Variants in GALNT17 observed in about 807,000 individuals in gnomAD.
The protein encoded by GALNT17 is polypeptide N-acetylgalactosaminyltransferase 17.
In GALNT17, 29 loss-of-function variants were observed where a neutral mutation model predicts 63.7. The observed-to-expected ratio is 0.46, with a 90% CI of 0.34 to 0.62. The LOEUF (loss-of-function observed/expected upper bound fraction) is 0.62, where lower values mean the gene tolerates loss of function less well. GALNT17 is among the 20% of genes least tolerant of loss of function. GALNT17 has a pLI of 0.01. For missense variants in GALNT17, 603 were observed against 799.6 expected (o/e 0.75, Z 2.97); for synonymous variants, 305 against 318.3 (o/e 0.96, Z 0.45).
intron 1 of GALNT17, among the ~76,000 whole-genome samples, chr7:71,257,603 G>A (rs1044844264): frequency 3.9e-5 from 6 of 152,200 alleles, no homozygotes; most frequent in African/African-American, 1.4e-4. Context: ...TATGGTTTTA[G>A]TGTGACGCTG....
chr7:71,439,528 G>C (rs1184558173), intron 5 of GALNT17, among the ~76,000 whole-genome samples: 2 of 152,192 alleles, frequency 1.3e-5, no homozygotes, highest in Non-Finnish European at 2.9e-5. Context: ...AAGCAGAGAG[G>C]CCTGCCTCCA....
chr7:71,332,702 T>C (rs546727426), intron 1 of GALNT17, among the ~76,000 whole-genome samples: 4 of 152,242 alleles, frequency 2.6e-5, no homozygotes, highest in Admixed American at 1.3e-4. Flanking sequence ...TGTTTTGTTT[T>C]TGTTTTTGAG....
chr7:71,330,820 C>G (rs1482713430), intron 1 of GALNT17, among the ~76,000 whole-genome samples: 1 of 152,268 alleles, frequency 6.6e-6, no homozygotes, highest in African/African-American at 2.4e-5. Flanking sequence ...AAAAAAGTTT[C>G]GCCGGATGCA....
chr7:71,170,874 TTA>T (rs2116283477), intron 1 of GALNT17, among the ~76,000 whole-genome samples: 1 of 152,288 alleles, frequency 6.6e-6, no homozygotes, highest in African/African-American at 2.4e-5. Context: ...AAATGCCATT[TTA>T]CTTTATAGCT....
chr7:71,710,889 G>A lies in GALNT17; in HGVS notation c.1629G>A (p.Lys543=), dbSNP rs1791782440. ...TGCCCCAGCTCCTGGACTGCGACAA[G>A]GTCAAGAGCAGCCTGTACAAGCGCT... The part of the protein sequence containing the change: ...SRLPQLLDCD[K]VKSSLYKRWN... The change falls in exon 10 of 11, where the codon AAG becomes AAA. Residue 543 remains lysine (K), a synonymous_variant. Coordinates refer to ENST00000333538, the MANE Select transcript of GALNT17 (RefSeq NM_022479.3). The A allele has an allele frequency of 6.8e-6, 11 of 1,614,014 alleles. 1 individual carries two copies. Among genetic ancestry groups the A allele is most frequent in the African/African-American group, 4.0e-5 (3 of 75,060 alleles).
intron 1 of GALNT17, among the ~76,000 whole-genome samples, chr7:71,212,985 T>C (rs192892261): frequency 2.3e-3 from 350 of 152,252 alleles, no homozygotes; most frequent in Non-Finnish European, 4.1e-3. Flanking sequence ...ATTAAGACTT[T>C]GGGGGACTGT....
intron 1 of GALNT17, among the ~76,000 whole-genome samples, chr7:71,204,495 A>G (rs1789233691): frequency 6.6e-6 from 1 of 152,016 alleles, no homozygotes; most frequent in African/African-American, 2.4e-5. Flanking sequence ...GGTGGTATGG[A>G]CACTTTAACA....
At chr7:71,651,924 C>T (rs1790759678) in intron 6 of GALNT17, among the ~76,000 whole-genome samples, 3 of 152,034 alleles carry the variant, frequency 2.0e-5, no homozygotes, top group Admixed American at 1.3e-4. Flanking sequence ...TGGTCTTGAA[C>T]TCCTGGCCTC....
chr7:71,627,606 A>G (rs935775627), intron 6 of GALNT17, among the ~76,000 whole-genome samples: 2 of 152,178 alleles, frequency 1.3e-5, no homozygotes, highest in Admixed American at 1.3e-4. Flanking sequence ...TCATCTGTCA[A>G]AGAACCACAA....
At chr7:71,203,490 AT>A (rs112179672) in intron 1 of GALNT17, among the ~76,000 whole-genome samples, 107 of 152,322 alleles carry the variant, frequency 7.0e-4, no homozygotes, top group African/African-American at 2.5e-3. Flanking sequence ...AAATTAGGTC[AT>A]TTATTTCTTT....
chr7:71,426,578 T>C (rs938011164), intron 5 of GALNT17, among the ~76,000 whole-genome samples: 3 of 152,112 alleles, frequency 2.0e-5, no homozygotes, highest in African/African-American at 7.2e-5. Context: ...GGAGGCCTCA[T>C]AGAGCTTTTA....
At position 71,263,283 on chromosome 7, in the gene GALNT17, C is replaced by T. The variant is rs191788107; in HGVS notation, c.239-72267C>T. On this transcript the variant is annotated intron_variant, in intron 1 of 10. Transcript: ENST00000333538. ...CTGAGGCAGGAGAATCATTTGAACC[C>T]GGGAGGCGGAGGTTGCAGTGAGCTG... 2.8e-3 allele frequency among the ~76,000 whole-genome samples: 426 copies of T among 152,034 alleles called. 1 individual carries two copies. Among genetic ancestry groups the T allele is most frequent in the African/African-American group, 9.9e-3 (410 of 41,490 alleles).
intron 1 of GALNT17, among the ~76,000 whole-genome samples, chr7:71,294,915 T>G (rs1791050275): frequency 6.6e-6 from 1 of 152,162 alleles, no homozygotes; most frequent in Non-Finnish European, 1.5e-5. Flanking sequence ...TTTAATCCCC[T>G]CTCTCCTGAT....
chr7:71,446,194 A>T (rs1467812703), intron 5 of GALNT17, among the ~76,000 whole-genome samples: 1 of 152,212 alleles, frequency 6.6e-6, no homozygotes, highest in Non-Finnish European at 1.5e-5. Context: ...CCCAGTAGAG[A>T]AGAACAAGAC....
intron 5 of GALNT17, among the ~76,000 whole-genome samples, chr7:71,485,262 T>C (rs1458797066): frequency 2.0e-5 from 3 of 152,086 alleles, no homozygotes; most frequent in Non-Finnish European, 4.4e-5. Context: ...TGCAACACCA[T>C]GCCCAGCTAA....
chr7:71,491,071 G>A (rs747010298), intron 5 of GALNT17, among the ~76,000 whole-genome samples: 10 of 151,872 alleles, frequency 6.6e-5, no homozygotes, highest in South Asian at 2.1e-4. Context: ...GCACATGCCC[G>A]TAATCCCAGC....
At chr7:71,154,027 G>T (rs529289264) in intron 1 of GALNT17, among the ~76,000 whole-genome samples, 1 of 152,142 alleles carries the variant, frequency 6.6e-6, no homozygotes, top group Non-Finnish European at 1.5e-5. Context: ...TTGATGATGC[G>T]CTGGCCTCCG....
At chr7:71,550,304 G>A (rs1584042813) in intron 5 of GALNT17, among the ~76,000 whole-genome samples, 1 of 152,056 alleles carries the variant, frequency 6.6e-6, no homozygotes, top group Non-Finnish European at 1.5e-5. Flanking sequence ...AGCTATGATT[G>A]TGTTTTGACT....
chr7:71,246,874 C>T (rs1243039334), intron 1 of GALNT17, among the ~76,000 whole-genome samples: 1 of 145,902 alleles, frequency 6.9e-6, no homozygotes, highest in East Asian at 2.0e-4. Flanking sequence ...TAGAAGCTTG[C>T]ATCTGTCTGA....
Sources: allele counts gnomAD v4.1 joint callset (sites outside exome capture counted in the v4.1 genomes callset), GRCh38; gene constraint gnomAD v4.1.1; transcripts MANE v1.5; gene names NCBI Gene and HGNC (gene_info 2026-07-23, HGNC 2026-07-21).